Variants in JAM2 observed in about 807,000 individuals in gnomAD.
JAM2 encodes junctional adhesion molecule 2, also known as junctional adhesion molecule B.
Under a neutral mutation model 42.0 loss-of-function variants are expected in JAM2, and 17 were observed. That is an observed-to-expected ratio of 0.40 (90% CI 0.28 to 0.61). The LOEUF is 0.61. Among genes scored for constraint, JAM2 ranks in the 20% least tolerant of loss-of-function variants. JAM2 has a pLI of 0.37. For missense variants in JAM2, 319 were observed against 358.3 expected, an observed-to-expected ratio of 0.89 and a Z score of 0.89; for synonymous variants, 118 against 128.6, an observed-to-expected ratio of 0.92 and a Z score of 0.56.
At chr21:25,713,934 C>A (rs1477324384) in intron 9 of JAM2, among the ~76,000 whole-genome samples, 3 of 152,198 alleles carry the variant, frequency 2.0e-5, no homozygotes, top group Non-Finnish European at 4.4e-5. Context: ...GCTAGAGTCC[C>A]CTTCAGTTCT....
chr21:25,705,731 C>T (rs1201625078), intron 6 of JAM2, among the ~76,000 whole-genome samples: 2 of 152,142 alleles, frequency 1.3e-5, no homozygotes, highest in Non-Finnish European at 2.9e-5. Context: ...CAAAAGAATA[C>T]ATTTTATTTT....
chr21:25,709,262 T>C (rs1009091905), intron 7 of JAM2, among the ~76,000 whole-genome samples, 172 bp from the exon 8 acceptor site: 1 of 152,136 alleles, frequency 6.6e-6, no homozygotes, highest in Middle Eastern at 3.2e-3. Flanking sequence ...AAATGGTTGC[T>C]GTATGGCTCT....
intron 9 of JAM2, among the ~76,000 whole-genome samples, chr21:25,712,601 T>C (rs527790184): frequency 3.9e-5 from 6 of 152,348 alleles, no homozygotes; most frequent in Admixed American, 1.3e-4. Flanking sequence ...AGAAGTGATC[T>C]TTAATCATAT....
chr21:25,642,331 TA>T (rs2032469716), intron 1 of JAM2, among the ~76,000 whole-genome samples: 1 of 152,332 alleles, frequency 6.6e-6, no homozygotes, highest in South Asian at 2.1e-4. Context: ...TTTAATCATT[TA>T]TTTTTCTATC....
chr21:25,714,568 A>T, intron 9 of JAM2, 72 bp from the exon 10 acceptor site: 1 of 927,806 alleles, frequency 1.1e-6, no homozygotes, highest in Non-Finnish European at 1.7e-6. Context: ...ATATAGCTTG[A>T]TATTCATAAG....
chr21:25,714,530 G>T, intron 9 of JAM2, 110 bp from the exon 10 acceptor site: 2 of 781,212 alleles, frequency 2.6e-6, no homozygotes, highest in South Asian at 1.8e-5. Flanking sequence ...ATAAATACTG[G>T]TTTTTACCTG....
intron 1 of JAM2, among the ~76,000 whole-genome samples, chr21:25,670,949 A>T (rs112965804): frequency 1.3e-5 from 2 of 152,202 alleles, no homozygotes; most frequent in African/African-American, 4.8e-5. Flanking sequence ...TTGGTTTTCA[A>T]ATTTCTTCTG....
rs1379195843 is a variant in JAM2 at position 25,715,762 on chromosome 21, C to T, written c.*1090C>T. ...TGTGGGTTTCTCAACCGATGAACCA[C>T]AAAAGCTTCCAGCTACTATTACAAT... is the stretch of plus-strand genomic sequence containing the variant. On this transcript the variant is annotated 3_prime_UTR_variant, in exon 10 of 10. Transcript: ENST00000480456. 1 of 152,194 alleles carries T rather than the reference C, an allele frequency of 6.6e-6. No individual in the cohort carries two copies. The highest frequency in any genetic ancestry group is 1.5e-5 in the Non-Finnish European group (1 of 68,038). The allele number at this position is 152,194 out of a possible 1,614,324, so 9.4% of individuals were successfully genotyped here. A position where few individuals can be genotyped will look rare whatever the true frequency, so the allele number is the denominator to read the frequency against.
At chr21:25,696,099 C>T (rs1316300183) in intron 4 of JAM2, among the ~76,000 whole-genome samples, 27 of 151,758 alleles carry the variant, frequency 1.8e-4, no homozygotes, top group Admixed American at 1.3e-3. Context: ...CTGGGCAACA[C>T]TGAGCACTGA....
chr21:25,645,067 G>A (rs946046016), intron 1 of JAM2, among the ~76,000 whole-genome samples: 1 of 152,164 alleles, frequency 6.6e-6, no homozygotes, highest in African/African-American at 2.4e-5. Flanking sequence ...TTTTAGTAGA[G>A]ACTGGGTTTC....
intron 2 of JAM2, among the ~76,000 whole-genome samples, chr21:25,686,721 C>T (rs1162222682): frequency 6.6e-6 from 1 of 152,110 alleles, no homozygotes; most frequent in Non-Finnish European, 1.5e-5. Flanking sequence ...TAAGTCAGAG[C>T]TATTTTGGTA....
chr21:25,667,036 T>TA (rs921576991), intron 1 of JAM2, among the ~76,000 whole-genome samples: 2 of 152,184 alleles, frequency 1.3e-5, no homozygotes, highest in Non-Finnish European at 2.9e-5. Context: ...ATCTCTTAAT[T>TA]AAAAAAATTA....
At chr21:25,704,819 T>G (rs919643605) in intron 6 of JAM2, among the ~76,000 whole-genome samples, 2 of 152,240 alleles carry the variant, frequency 1.3e-5, no homozygotes, top group Non-Finnish European at 2.9e-5. Flanking sequence ...TGCTAGCCTG[T>G]TACATAGTTG....
intron 1 of JAM2, among the ~76,000 whole-genome samples, chr21:25,641,328 G>A (rs529037409): frequency 1.3e-5 from 2 of 152,300 alleles, no homozygotes; most frequent in Non-Finnish European, 2.9e-5. Context: ...AAATCGTTCT[G>A]CTGTGCTATT....
chr21:25,674,519 T>C (rs1481551979), intron 1 of JAM2, among the ~76,000 whole-genome samples: 1 of 152,200 alleles, frequency 6.6e-6, no homozygotes, highest in Non-Finnish European at 1.5e-5. Flanking sequence ...TACTTAGAAG[T>C]TAGGTTCTTA....
chr21:25,641,020 A>T (rs965736628), intron 1 of JAM2, among the ~76,000 whole-genome samples: 8 of 152,262 alleles, frequency 5.3e-5, no homozygotes, highest in Admixed American at 6.5e-5. Flanking sequence ...CCCTTTGTGG[A>T]GGAGGAAGGT....
intron 1 of JAM2, among the ~76,000 whole-genome samples, chr21:25,648,176 A>C (rs933329900): frequency 2.6e-5 from 4 of 151,972 alleles, no homozygotes; most frequent in Non-Finnish European, 5.9e-5. Context: ...GTGCCACTGC[A>C]CTCCAGCCTG....
intron 1 of JAM2, among the ~76,000 whole-genome samples, chr21:25,642,233 C>T (rs1002377252): frequency 5.9e-5 from 9 of 152,086 alleles, no homozygotes; most frequent in African/African-American, 1.9e-4. Flanking sequence ...GAGTTATGCT[C>T]CATCTCCTTG....
intron 1 of JAM2, among the ~76,000 whole-genome samples, chr21:25,659,715 G>C (rs2033029343): frequency 6.6e-6 from 1 of 152,114 alleles, no homozygotes. Context: ...TTGGATCAAA[G>C]AGCTTTAAGA....
Sources: allele counts gnomAD v4.1 joint callset (sites outside exome capture counted in the v4.1 genomes callset), GRCh38; gene constraint gnomAD v4.1.1; transcripts MANE v1.5; gene names NCBI Gene and HGNC (gene_info 2026-07-23, HGNC 2026-07-21).